TIMP2: variants seen among roughly 807,000 people sequenced by gnomAD.
TIMP2 encodes metalloproteinase inhibitor 2.
TIMP2 carries 5 observed loss-of-function variants against 24.3 expected under a neutral mutation model. The observed-to-expected ratio is 0.21, with a 90% CI of 0.11 to 0.43. The LOEUF (loss-of-function observed/expected upper bound fraction) is 0.43, where lower values mean the gene tolerates loss of function less well. Ranked by LOEUF, TIMP2 falls within the 20% of genes least tolerant of loss-of-function variation. The pLI, the probability that TIMP2 is intolerant of heterozygous loss-of-function variation, is 1.00. For missense variants in TIMP2, 221 were observed against 297.5 expected (o/e 0.74, Z 1.89); for synonymous variants, 130 against 123.2 (o/e 1.06, Z -0.37).
chr17:78,893,717 G>A (rs1247876747), intron 1 of TIMP2, among the ~76,000 whole-genome samples: 1 of 152,030 alleles, frequency 6.6e-6, no homozygotes, highest in Non-Finnish European at 1.5e-5. Flanking sequence ...AACCAGAGAG[G>A]AGGAGAAGCT....
chr17:78,882,487 G>A (rs2145761501), intron 1 of TIMP2, among the ~76,000 whole-genome samples: 1 of 152,368 alleles, frequency 6.6e-6, no homozygotes, highest in East Asian at 1.9e-4. Flanking sequence ...TCATGGCCCT[G>A]CTCTCAGATC....
At chr17:78,895,480 C>T (rs1280832454) in intron 1 of TIMP2, among the ~76,000 whole-genome samples, 1 of 152,140 alleles carries the variant, frequency 6.6e-6, no homozygotes, top group East Asian at 1.9e-4. Flanking sequence ...ACAATAGCAA[C>T]TGTCAGTGAG....
rs2069501534 is a variant in TIMP2 at position 78,853,662 on chromosome 17, G to C, written c.*2005C>G. The C allele has an allele frequency of 6.6e-6, 1 of 152,586 alleles. No homozygotes were observed. The highest frequency in any genetic ancestry group is 2.1e-4 in the South Asian group (1 of 4,836). 9.5% of individuals were successfully genotyped at this position (152,586 alleles called of 1,614,324 possible). A position where few individuals can be genotyped will look rare whatever the true frequency, so the allele number is the denominator to read the frequency against. Reference sequence around the variant, plus strand: ...TGCATAGGCCACGCGTTCCACTCTGGGTCAAATGCTTCCACGATGCAGAAA... The same window carrying C: ...TGCATAGGCCACGCGTTCCACTCTGCGTCAAATGCTTCCACGATGCAGAAA... On this transcript the variant is annotated 3_prime_UTR_variant, in exon 5 of 5. Transcript: ENST00000262768.
intron 1 of TIMP2, among the ~76,000 whole-genome samples, chr17:78,882,920 G>A (rs532223341): frequency 2.6e-5 from 4 of 152,372 alleles, no homozygotes; most frequent in East Asian, 1.9e-4. Context: ...GGTCTCCCCC[G>A]GGCACTGGGC....
At chr17:78,879,057 G>T (rs2069755115) in intron 1 of TIMP2, among the ~76,000 whole-genome samples, 1 of 152,210 alleles carries the variant, frequency 6.6e-6, no homozygotes, top group African/African-American at 2.4e-5. Context: ...CTGCACCGCT[G>T]ACCTGCTCAG....
Position 78,891,195 on chromosome 17 carries a change from CCT to C in TIMP2, c.131-17278_131-17277del. On this transcript the variant is annotated intron_variant, in intron 1 of 4. Transcript: ENST00000262768. The surrounding 1 kb of genome is among the most constrained non-coding windows in gnomAD (Gnocchi z 4.5). ...TTTCTAAACGTGGGCTTGACCGTGC[CCT>C]GATATTTTTGGTTCTGGGCCTTGCC... The C allele has an allele frequency of 6.4e-7, 1 of 1,550,660 alleles. No individual in the cohort carries two copies. The highest frequency in any genetic ancestry group is 2.4e-5 in the East Asian group (1 of 40,916).
chr17:78,876,778 T>C (rs1160095190), intron 1 of TIMP2, among the ~76,000 whole-genome samples: 3 of 152,028 alleles, frequency 2.0e-5, no homozygotes, highest in African/African-American at 2.4e-5. Flanking sequence ...CCGCCCACTT[T>C]GGCCTCCCAA....
rs74382523 is a variant in TIMP2, at chr17:78,918,836, A to C, written c.130+6123T>G. Reference sequence around the variant, plus strand: ...CAACATGGCGAAACCCCATCTCTACAAAAAATTAAAAAAATTAGCTGGGCG... The same window carrying C: ...CAACATGGCGAAACCCCATCTCTACCAAAAATTAAAAAAATTAGCTGGGCG... On this transcript the variant is annotated intron_variant, in intron 1 of 4. Transcript: ENST00000262768. Among the ~76,000 whole-genome samples, 220 of 152,140 alleles carry C rather than the reference A, an allele frequency of 1.4e-3. 4 individuals are homozygous for C. The East Asian group carries it at 0.038, about 27-fold the overall frequency.
intron 1 of TIMP2, among the ~76,000 whole-genome samples, chr17:78,895,093 C>T (rs1018378721): frequency 6.6e-6 from 1 of 152,098 alleles, no homozygotes; most frequent in Admixed American, 6.5e-5. Context: ...GCAGCCTAAC[C>T]AACATGGTGA....
chr17:78,876,729 G>A (rs926765843), intron 1 of TIMP2, among the ~76,000 whole-genome samples: 3 of 150,398 alleles, frequency 2.0e-5, no homozygotes, highest in African/African-American at 4.9e-5. Context: ...GTTTTAGCAT[G>A]TTGGCCAGGC....
chr17:78,888,957 A>G (rs1289332750), intron 1 of TIMP2, among the ~76,000 whole-genome samples: 1 of 152,184 alleles, frequency 6.6e-6, no homozygotes, highest in African/African-American at 2.4e-5. Flanking sequence ...AGGTTGTTGG[A>G]AGGGAGGGAG....
At chr17:78,893,361 A>C (rs1599162661) in intron 1 of TIMP2, among the ~76,000 whole-genome samples, 1 of 88,978 alleles carries the variant, frequency 1.1e-5, no homozygotes, top group Non-Finnish European at 2.2e-5. Flanking sequence ...GTGTGTGTGC[A>C]GGGGTGTGTA....
intron 3 of TIMP2, among the ~76,000 whole-genome samples, chr17:78,868,206 A>G (rs779876920): frequency 6.6e-6 from 1 of 152,148 alleles, no homozygotes; most frequent in Non-Finnish European, 1.5e-5. Flanking sequence ...CTTTTGGAAC[A>G]AACTATAGTA....
At chr17:78,908,898 C>T (rs1352276533) in intron 1 of TIMP2, among the ~76,000 whole-genome samples, 1 of 152,192 alleles carries the variant, frequency 6.6e-6, no homozygotes, top group Non-Finnish European at 1.5e-5. Flanking sequence ...TCTTGGCATA[C>T]TCAGTTTCTG....
intron 1 of TIMP2, among the ~76,000 whole-genome samples, chr17:78,912,202 T>C (rs944933082): frequency 2.6e-5 from 4 of 152,218 alleles, no homozygotes; most frequent in African/African-American, 9.6e-5. Flanking sequence ...CCAGGCTCTT[T>C]TCTCCAATAC....
Position 78,909,346 on chromosome 17 carries a change from C to A in TIMP2, c.130+15613G>T, listed in dbSNP as rs551283721. Among the ~76,000 whole-genome samples the A allele has an allele frequency of 3.3e-5, 5 of 151,458 alleles. No individual in the cohort carries two copies. In the South Asian group the frequency reaches 1.0e-3, roughly 32 times the overall value. ...CTCCAGCCTGGGCGACAGAGCAAGA[C>A]CCTCATCTCTTTAAAAAAAAAAAAG... On this transcript the variant is annotated intron_variant, in intron 1 of 4. Transcript: ENST00000262768.
intron 3 of TIMP2, among the ~76,000 whole-genome samples, chr17:78,865,165 A>C (rs1035139830): frequency 3.0e-4 from 45 of 152,306 alleles, no homozygotes; most frequent in East Asian, 2.7e-3. Flanking sequence ...TACCTGTACG[A>C]GGTGTCTAGA....
intron 1 of TIMP2, among the ~76,000 whole-genome samples, chr17:78,879,780 G>C (rs1277826697): frequency 6.6e-6 from 1 of 152,154 alleles, no homozygotes; most frequent in African/African-American, 2.4e-5. Flanking sequence ...CCGGCTACTG[G>C]AATGTACAAC....
chr17:78,891,684 C>T lies in TIMP2; in HGVS notation c.131-17765G>A. The T allele has an allele frequency of 6.4e-7, 1 of 1,551,132 alleles. No individual in the cohort carries two copies. Among genetic ancestry groups the T allele is most frequent in the Non-Finnish European group, 8.7e-7 (1 of 1,147,126 alleles). ...CCCAGTTGCCTCCTCCCCGCCCGAG[C>T]TGTTCCTTTCTCTTTTTCCTCCACA... On this transcript the variant is annotated intron_variant, in intron 1 of 4. Transcript: ENST00000262768. The surrounding 1 kb of genome is among the most constrained non-coding windows in gnomAD (Gnocchi z 4.5).
Sources: allele counts gnomAD v4.1 joint callset (sites outside exome capture counted in the v4.1 genomes callset), GRCh38; gene constraint gnomAD v4.1.1; non-coding constraint Gnocchi (gnomAD v3.1); transcripts MANE v1.5; gene names NCBI Gene and HGNC (gene_info 2026-07-23, HGNC 2026-07-21).